The following NEB variants were observed in gnomAD, a reference collection of about 807,000 sequenced individuals.
NEB encodes nebulin.
In NEB, 512 loss-of-function variants were observed where a neutral mutation model predicts 952.2. The ratio of observed to expected loss-of-function variants is 0.54; its 90% CI spans 0.50 to 0.58. NEB has a LOEUF of 0.58. Ranked by LOEUF, NEB falls within the 20% of genes least tolerant of loss-of-function variation. The probability of loss-of-function intolerance (pLI) is 0.00; values close to 1 mark genes in which losing one functional copy is unlikely to be tolerated. For synonymous variants in NEB, 2,900 were observed against 3,149.8 expected (o/e 0.92, Z 2.66); for missense variants, 8,428 against 9,231.1 (o/e 0.91, Z 3.56).
intron 28 of NEB, among the ~76,000 whole-genome samples, chr2:151,684,333 A>T (rs2099468865): frequency 6.6e-6 from 1 of 152,200 alleles, no homozygotes; most frequent in Non-Finnish European, 1.5e-5. Context: ...CGTTATAAAT[A>T]TTTATGTTAA....
At chr2:151,621,275 T>G (rs949285298) in intron 71 of NEB, among the ~76,000 whole-genome samples, 3 of 152,224 alleles carry the variant, frequency 2.0e-5, no homozygotes, top group Admixed American at 2.0e-4. Context: ...ATACATTAAA[T>G]GAACACCTCT....
rs1222704162 is a variant in NEB at position 151,704,139 on chromosome 2, C to T, written c.1152+2742G>A. Among the ~76,000 whole-genome samples the T allele has an allele frequency of 3.4e-4, 22 of 65,446 alleles. No homozygotes were observed. The South Asian group carries it at 3.8e-3, about 11-fold the overall frequency. 42.9% of individuals were successfully genotyped at this position (65,446 alleles called of 152,430 possible). On this transcript the variant is annotated intron_variant, in intron 13 of 181. Transcript: ENST00000397345. ...CTGCCGTGTGAGGTGTCAGTGTGCC[C>T]CTGCTGGGGGGTGCCTCCCAGTTAG...
intron 63 of NEB, among the ~76,000 whole-genome samples, chr2:151,637,561 TA>T (rs2098785308): frequency 6.6e-6 from 1 of 152,070 alleles, no homozygotes; most frequent in African/African-American, 2.4e-5. Flanking sequence ...GTGGGTGGAA[TA>T]GGGGGTTGCG....
chr2:151,656,579 TTG>T, intron 48 of NEB, 115 bp from the exon 49 acceptor site: 1 of 519,678 alleles, frequency 1.9e-6, no homozygotes, highest in Non-Finnish European at 2.8e-6. Context: ...AAAATTATAT[TTG>T]TATAGAGCTC....
intron 28 of NEB, among the ~76,000 whole-genome samples, chr2:151,683,251 G>A (rs957140506): frequency 5.9e-5 from 9 of 152,190 alleles, no homozygotes; most frequent in Admixed American, 5.9e-4. Flanking sequence ...CCCTTCATGT[G>A]TACTGGTCAA....
chr2:151,619,015 G>GT (rs1022515300), intron 73 of NEB, among the ~76,000 whole-genome samples: 7 of 152,268 alleles, frequency 4.6e-5, no homozygotes, highest in Non-Finnish European at 8.8e-5. Flanking sequence ...TTCGAAAAAC[G>GT]TAAGAATGAT....
chr2:151,498,734 A>ATAT (rs1237685387), intron 169 of NEB, among the ~76,000 whole-genome samples: 20 of 152,138 alleles, frequency 1.3e-4, no homozygotes, highest in Admixed American at 3.3e-4. Flanking sequence ...TCACATAGGG[A>ATAT]TATTTGGGTT....
Position 151,568,119 on chromosome 2 carries a change from A to C in NEB, c.17796T>G (p.Asp5932Glu). 3.7e-6 allele frequency: 6 copies of C among 1,613,794 alleles called. No individual in the cohort carries two copies. Among genetic ancestry groups the C allele is most frequent in the Non-Finnish European group, 5.1e-6 (6 of 1,179,774 alleles). The change falls in exon 113 of 182, where the codon GAT becomes GAG. Residue 5932 changes from aspartate (D) to glutamate (E), a missense_variant. This residue lies in a region of NEB where 3,374 missense variants were observed against 3,651.5 expected (regional missense o/e 0.92). Coordinates refer to ENST00000397345, the MANE Select transcript of NEB (RefSeq NM_001164508.2). ...GATGGGCATGAACAAATGGCACAGCATCTGGAGGCAAAATGTAACCTGTGG... is the reference window on the plus strand; with the variant it reads ...GATGGGCATGAACAAATGGCACAGCCTCTGGAGGCAAAATGTAACCTGTGG... Reference protein sequence around the residue: ...QKATGYILPPDAVPFVHAHHC... With the variant: ...QKATGYILPPEAVPFVHAHHC...
At position 151,633,722 on chromosome 2, in the gene NEB, C is replaced by T. The variant is rs193042896; in HGVS notation, c.9346G>A (p.Glu3116Lys). Residue 3116 changes from glutamate to lysine, a missense_variant, in exon 65 of 182, where the codon GAG (glutamate) becomes AAG (lysine). Around this residue, in one of 11 missense-constraint regions of NEB, gnomAD observed 1,772 missense variants for 1,960.3 expected, o/e 0.90. Coordinates refer to ENST00000397345, the MANE Select transcript of NEB (RefSeq NM_001164508.2). Reference protein sequence around the residue: ...SDVDYKNYLHEWTCLPDQSDV... With the variant: ...SDVDYKNYLHKWTCLPDQSDV... ...CTCTGGTCAGGCAGGCATGTCCACT[C>T]GTGCAGGTAGTTCTTATAGTCCACG... 1.7e-3 allele frequency: 2,704 copies of T among 1,613,984 alleles called. 13 individuals carry two copies. The highest frequency in any genetic ancestry group is 4.9e-3 in the Middle Eastern group (30 of 6,062).
Position 151,498,883 on chromosome 2 carries a change from T to G in NEB, c.24114+415A>C, listed in dbSNP as rs980653526. The stretch of plus-strand genomic sequence containing the variant: ...GTTTAAGGCAAATGGAGAGCAATGA[T>G]AAGGTGCTAAAAAAAAGAAACTTCA... On this transcript the variant is annotated intron_variant, in intron 169 of 181. Coordinates refer to ENST00000397345, the MANE Select transcript of NEB (RefSeq NM_001164508.2). 3.1e-4 allele frequency among the ~76,000 whole-genome samples: 33 copies of G among 107,286 alleles called. No homozygotes were observed. In the Admixed American group the frequency reaches 3.1e-3, roughly 10 times the overall value. The allele number at this position is 107,286 out of a possible 152,430, so 70.4% of individuals were successfully genotyped here.
In NEB at chr2:151,727,708, G is replaced by T; in HGVS notation, c.277C>A (p.Gln93Lys). 6.2e-7 allele frequency: 1 copy of T among 1,612,898 alleles called. No homozygotes were observed. The highest frequency in any genetic ancestry group is 1.1e-5 in the South Asian group (1 of 91,040). Residue 93 changes from glutamine to lysine, a missense_variant, in exon 5 of 182, where the codon CAG becomes AAG. Gln to Lys is a moderately conservative substitution (Grantham distance 53). This residue lies in a region of NEB where 2,851 missense variants were observed against 2,791.5 expected (regional missense o/e 1.02). Transcript: ENST00000397345. Reference protein sequence around the residue: ...TPYIAHSQKMQDLFSPNKYKE... With the variant: ...TPYIAHSQKMKDLFSPNKYKE... The stretch of plus-strand genomic sequence containing the variant: ...AAACTTACTGGGCTAAAAAGATCCT[G>T]CATTTTCTGACTGTGTGCAATGTAG...
rs577702109 is a variant in NEB, at chr2:151,519,577, A to G, written c.22590+81T>C. On this transcript the variant is annotated intron_variant, in intron 154 of 181. Coordinates refer to ENST00000397345, the MANE Select transcript of NEB (RefSeq NM_001164508.2). ...TTGGATAATATTGTGAGTGTTATAA[A>G]TGCTACTGAATTGCACACTTAAAAA... is the stretch of plus-strand genomic sequence containing the variant. The G allele has an allele frequency of 6.8e-4, 673 of 995,726 alleles. 1 individual carries two copies. Among genetic ancestry groups the G allele is most frequent in the Non-Finnish European group, 9.1e-4 (584 of 642,488 alleles). 61.7% of individuals were successfully genotyped at this position (995,726 alleles called of 1,614,324 possible).
intron 138 of NEB, 32 bp downstream of exon 138, chr2:151,540,312 C>T (rs1390865819): frequency 7.3e-7 from 1 of 1,362,818 alleles, no homozygotes; most frequent in South Asian, 1.3e-5. Context: ...CTCTCCCCAT[C>T]ACAACAGAAG....
rs184545454 is a variant in NEB, at chr2:151,676,850, T to C, written c.3774+715A>G. Among the ~76,000 whole-genome samples, 505 of 152,320 alleles carry C rather than the reference T, an allele frequency of 3.3e-3. 3 individuals carry two copies. Among genetic ancestry groups the C allele is most frequent in the Middle Eastern group, 0.017 (5 of 294 alleles). On this transcript the variant is annotated intron_variant, in intron 34 of 181. Coordinates refer to ENST00000397345, the MANE Select transcript of NEB (RefSeq NM_001164508.2). ...CCCTACATTCTTGTGAATTTCTATA[T>C]CCCATGAATCCTCATCTATTTCATC...
At chr2:151,645,280 A>G (rs1401240585) in intron 55 of NEB, among the ~76,000 whole-genome samples, 1 of 152,234 alleles carries the variant, frequency 6.6e-6, no homozygotes, top group African/African-American at 2.4e-5. Flanking sequence ...TAATGGGGAA[A>G]AATCATGCCT....
chr2:151,524,424 G>C lies in NEB; in HGVS notation c.22375-9C>G, dbSNP rs1233704197. The C allele has an allele frequency of 1.2e-6, 2 of 1,613,874 alleles. No individual in the cohort carries two copies. The highest frequency in any genetic ancestry group is 3.3e-5 in the Admixed American group (2 of 60,018). ...TTGGCTCTGTACTCCACCTGAATCAGAGAAAACCAAAATGGGCAACAGGTG... is the reference window on the plus strand; with the variant it reads ...TTGGCTCTGTACTCCACCTGAATCACAGAAAACCAAAATGGGCAACAGGTG... On this transcript the variant is annotated splice_polypyrimidine_tract_variant and intron_variant, in intron 152 of 181. Transcript: ENST00000397345.
rs751025060 is a variant in NEB at position 151,659,185 on chromosome 2, T to G, written c.5971-16A>C. 1.3e-6 allele frequency: 2 copies of G among 1,534,002 alleles called. No individual in the cohort carries two copies. The highest frequency in any genetic ancestry group is 1.8e-6 in the Non-Finnish European group (2 of 1,108,752). On this transcript the variant is annotated splice_polypyrimidine_tract_variant and intron_variant, in intron 46 of 181. Coordinates refer to ENST00000397345, the MANE Select transcript of NEB (RefSeq NM_001164508.2). ...TGTAGAGATGCTAGGAAAAAAACAG[T>G]GTAAATTAGTGTTTAAAATCTTAAA...
At chr2:151,668,192 G>T (rs1023864526) in intron 39 of NEB, among the ~76,000 whole-genome samples, 9 of 152,144 alleles carry the variant, frequency 5.9e-5, no homozygotes, top group African/African-American at 1.7e-4. Flanking sequence ...ATAACAGAAG[G>T]TTTTCATTTA....
chr2:151,642,834 G>A lies in NEB; in HGVS notation c.8196C>T (p.Thr2732=). ...LYTEAWDKDK[T]TVHIMPDTPE... ...GGGTATCTGGCATAATGTGGACAGTGGTTTTATCTTTATCCCAAGCTTCTG... is the reference window on the plus strand; with the variant it reads ...GGGTATCTGGCATAATGTGGACAGTAGTTTTATCTTTATCCCAAGCTTCTG... Residue 2732 remains threonine (T), a synonymous_variant, in exon 59 of 182, where the codon ACC becomes ACT. Transcript: ENST00000397345. The A allele has an allele frequency of 2.5e-6, 4 of 1,612,662 alleles. No homozygotes were observed. The highest frequency in any genetic ancestry group is 3.4e-6 in the Non-Finnish European group (4 of 1,179,192).
Sources: gnomAD v4.1 joint callset for allele counts (sites outside exome capture counted in the v4.1 genomes callset) on GRCh38, gnomAD v4.1.1 for gene constraint, gnomAD v4.1.1 regional missense constraint, MANE v1.5 for transcripts, NCBI Gene and HGNC (gene_info 2026-07-23, HGNC 2026-07-21) for gene names.